Variants in CDC42BPG observed in about 807,000 individuals in gnomAD.
CDC42BPG encodes the protein CDC42 binding protein kinase gamma.
A neutral mutation model predicts 192.2 loss-of-function variants in CDC42BPG; 157 were observed. The ratio of observed to expected loss-of-function variants is 0.82; its 90% CI spans 0.72 to 0.93. CDC42BPG has a LOEUF of 0.93. Among genes scored for constraint, CDC42BPG ranks in the 40% least tolerant of loss-of-function variants. The pLI, the probability that CDC42BPG is intolerant of heterozygous loss-of-function variation, is 0.00. For synonymous variants in CDC42BPG, 981 were observed against 918.5 expected, an observed-to-expected ratio of 1.07 and a Z score of -1.23; for missense variants, 1,992 against 2,122.1, an observed-to-expected ratio of 0.94 and a Z score of 1.20.
Position 64,827,343 on chromosome 11 carries a change from G to T in CDC42BPG, c.4206C>A (p.Phe1402Leu), listed in dbSNP as rs775517806. Residue 1402 changes from phenylalanine to leucine, a missense_variant, in exon 33 of 37, where the codon TTC becomes TTA. Physicochemically the swap from Phe to Leu is conservative, Grantham distance 22. Coordinates refer to ENST00000342711, the MANE Select transcript of CDC42BPG (RefSeq NM_017525.3). ...DLTDNSRRQLFRTKSKRRFFF... is the reference protein window; with the variant it reads ...DLTDNSRRQLLRTKSKRRFFF... ...AGAAGCGGCGCTTGCTCTTGGTGCG[G>T]AACAGCTGGCGCCGGCTGTTGTCGG... 1.2e-6 allele frequency: 2 copies of T among 1,614,068 alleles called. No individual in the cohort carries two copies. Among genetic ancestry groups the T allele is most frequent in the Non-Finnish European group, 1.7e-6 (2 of 1,179,960 alleles).
Position 64,844,499 on chromosome 11 carries a change from C to T in CDC42BPG, c.71G>A (p.Gly24Asp). The T allele has an allele frequency of 7.3e-7, 1 of 1,365,630 alleles. No individual in the cohort carries two copies. Among genetic ancestry groups the T allele is most frequent in the Non-Finnish European group, 9.4e-7 (1 of 1,058,342 alleles). The allele number at this position is 1,365,630 out of a possible 1,614,324, so 84.6% of individuals were successfully genotyped here. A position where few individuals can be genotyped will look rare whatever the true frequency, so the allele number is the denominator to read the frequency against. ...CAGCGCCAGCAGCAGATCTAGGAGG[C>T]CGTCGAGCCCCGGGCAGCCGCCGGC... ...GEAGGCPGLD[G>D]LLDLLLALHH... Residue 24 changes from glycine (G) to aspartate (D), a missense_variant, in exon 1 of 37, where the codon GGC becomes GAC. Transcript: ENST00000342711.
intron 25 of CDC42BPG, 35 bp downstream of exon 25, chr11:64,832,791 C>A (rs1942761790): frequency 1.3e-6 from 2 of 1,592,348 alleles, no homozygotes; most frequent in African/African-American, 1.3e-5. Flanking sequence ...CTCAGCCCCC[C>A]ATGCCCATCT....
rs56276837 is a variant in CDC42BPG, at chr11:64,839,147, G to A, written c.762C>T (p.Gly254=). Residue 254 remains glycine, a synonymous_variant, in exon 7 of 37, where the codon GGC becomes GGT. Coordinates refer to ENST00000342711, the MANE Select transcript of CDC42BPG (RefSeq NM_017525.3). ...CAAGCGACCACCAGTCACACTGTGG[G>A]CCGTAGTGGCCCTTGCCCTCCTCCA... ...QAMEEGKGHY[G]PQCDWWSLGV... is the part of the protein sequence containing the mutation. 3 of 1,613,446 alleles carry A rather than the reference G, an allele frequency of 1.9e-6. No individual in the cohort carries two copies. Among genetic ancestry groups the A allele is most frequent in the South Asian group, 2.2e-5 (2 of 91,090 alleles).
At chr11:64,826,208 G>C (rs990480032) in intron 36 of CDC42BPG, among the ~76,000 whole-genome samples, 4 of 152,136 alleles carry the variant, frequency 2.6e-5, no homozygotes, top group African/African-American at 9.7e-5. Context: ...GGTAAGACAA[G>C]ATCAGGGAGG....
chr11:64,836,808 C>G lies in CDC42BPG; in HGVS notation c.1315G>C (p.Ala439Pro), dbSNP rs762926788. The G allele has an allele frequency of 6.3e-7, 1 of 1,587,280 alleles. No individual in the cohort carries two copies. The highest frequency in any genetic ancestry group is 2.3e-5 in the East Asian group (1 of 44,048). ...TCCAGCTCCCGATGGTCTGTGGGGG[C>G]GTGCAGGGCCTCTGGAGGGGAGGTG... ...LSRKHQEALH[A>P]PTDHRELEQL... Residue 439 changes from alanine (A) to proline (P), a missense_variant, in exon 11 of 37, where the codon GCC (alanine) becomes CCC (proline). Physicochemically the swap from Ala to Pro is conservative, Grantham distance 27. Around this residue, in one of 2 missense-constraint regions of CDC42BPG, gnomAD observed 1,656 missense variants for 1,844.3 expected, o/e 0.90. Coordinates refer to ENST00000342711, the MANE Select transcript of CDC42BPG (RefSeq NM_017525.3).
Position 64,840,779 on chromosome 11 carries a change from CCT to C in CDC42BPG, c.337-133_337-132del, listed in dbSNP as rs879180499. 76 of 765,570 alleles carry C rather than the reference CCT, an allele frequency of 9.9e-5. 2 individuals are homozygous for C. Among genetic ancestry groups the C allele is most frequent in the Admixed American group, 2.5e-4 (12 of 47,920 alleles). 47.4% of individuals were successfully genotyped at this position (765,570 alleles called of 1,614,324 possible). On this transcript the variant is annotated intron_variant, in intron 3 of 36. Coordinates refer to ENST00000342711, the MANE Select transcript of CDC42BPG (RefSeq NM_017525.3). Reference sequence around the variant, plus strand: ...GATGGAGGTCATAGCTCTACTGTCCCCTGTCTGGCTGCGACTGAGCCCAAGCC... The same window carrying C: ...GATGGAGGTCATAGCTCTACTGTCCCGTCTGGCTGCGACTGAGCCCAAGCC...
At chr11:64,840,750 C>T in intron 3 of CDC42BPG, 102 bp from the exon 4 acceptor site, 1 of 1,025,238 alleles carries the variant, frequency 9.8e-7, no homozygotes, top group Non-Finnish European at 1.5e-6. Flanking sequence ...AGTCTGGGAG[C>T]TCAGATGGAG....
chr11:64,829,754 C>T lies in CDC42BPG; in HGVS notation c.3684G>A (p.Val1228=). ...RIRELQAPAT[V]QSLGLLGDRL... ...GGTCGCCCAGCAGCCCCAGGCTCTG[C>T]ACAGTGGCAGGTGCCTGCAGCTCAC... is the stretch of plus-strand genomic sequence containing the variant. Residue 1228 remains valine, a synonymous_variant, in exon 30 of 37, where the codon GTG becomes GTA. Transcript: ENST00000342711. 1 of 1,605,416 alleles carries T rather than the reference C, an allele frequency of 6.2e-7. No individual in the cohort carries two copies. The highest frequency in any genetic ancestry group is 8.5e-7 in the Non-Finnish European group (1 of 1,176,908).
rs371184760 is a variant in CDC42BPG at position 64,831,643 on chromosome 11, G to A, written c.3166C>T (p.Arg1056Cys). The stretch of plus-strand genomic sequence containing the variant: ...AGCTCACCCAGCACCTGCAGCCAGC[G>A]TTCCCGCTCCCCCTCGCTCTCTGCC... ...LLAESEGERE[R>C]WLQVLGELQR... The change falls in exon 28 of 37, where the codon CGC becomes TGC. Residue 1056 changes from arginine to cysteine, a missense_variant. By Grantham distance (180) the Arg-to-Cys change is radical. This residue lies in a region of CDC42BPG where 1,656 missense variants were observed against 1,844.3 expected (regional missense o/e 0.90). Transcript: ENST00000342711. 41 of 1,610,958 alleles carry A rather than the reference G, an allele frequency of 2.5e-5. No individual in the cohort carries two copies. Among genetic ancestry groups the A allele is most frequent in the South Asian group, 4.4e-5 (4 of 90,998 alleles).
At position 64,827,561 on chromosome 11, in the gene CDC42BPG, C is replaced by G; in HGVS notation, c.4116G>C (p.Lys1372Asn). 1 of 1,612,818 alleles carries G rather than the reference C, an allele frequency of 6.2e-7. No individual in the cohort carries two copies. Among genetic ancestry groups the G allele is most frequent in the Non-Finnish European group, 8.5e-7 (1 of 1,179,248 alleles). ...EGSLFLYGTE[K>N]VRLTYLRNQL... ...GGTTCCTGAGGTAGGTCAGGCGGAC[C>G]TTCTCGGTGCCGTAGAGGAACAGGG... Residue 1372 changes from lysine (K) to asparagine (N), a missense_variant, in exon 32 of 37, where the codon AAG becomes AAC. Coordinates refer to ENST00000342711, the MANE Select transcript of CDC42BPG (RefSeq NM_017525.3).
intron 18 of CDC42BPG, 121 bp downstream of exon 18, chr11:64,834,728 C>G (rs186308145): frequency 1.5e-4 from 206 of 1,329,738 alleles, no homozygotes; most frequent in Non-Finnish European, 1.8e-4. Context: ...AGGGAAATCA[C>G]TATCTCTCAT....
Position 64,827,767 on chromosome 11 carries a change from G to T in CDC42BPG, c.3984C>A (p.Tyr1328Ter). Residue 1328 changes from tyrosine (Y) to a stop codon, truncating the protein, a stop_gained, in exon 31 of 37, where the codon TAC (tyrosine) becomes TAA (stop). Coordinates refer to ENST00000342711, the MANE Select transcript of CDC42BPG (RefSeq NM_017525.3). LOFTEE classifies it high-confidence loss of function. ...TGGAGTTCTCGCTGAACACTGTCAG[G>T]TAGGGGGCCGCATACCCTGCGGGCA... is the stretch of plus-strand genomic sequence containing the variant. ...APMGWGYAAP[Y>*]LTVFSENSID... The T allele has an allele frequency of 6.2e-7, 1 of 1,610,944 alleles. No individual in the cohort carries two copies. The highest frequency in any genetic ancestry group is 8.5e-7 in the Non-Finnish European group (1 of 1,178,354).
At position 64,826,733 on chromosome 11, in the gene CDC42BPG, G is replaced by C. The variant is rs1402292836; in HGVS notation, c.4451C>G (p.Ser1484Cys). ...GSGPQRPHSFSEALRRPASMG... is the reference protein window; with the variant it reads ...GSGPQRPHSFCEALRRPASMG... ...GGAGGCTGGGCGCCGCAACGCCTCG[G>C]AGAAGCTGTGGGGCCGCTGTGGGCC... Residue 1484 changes from serine to cysteine, a missense_variant, in exon 35 of 37, where the codon TCC becomes TGC. Around this residue, in one of 2 missense-constraint regions of CDC42BPG, gnomAD observed 336 missense variants for 277.9 expected, o/e 1.21. Transcript: ENST00000342711. 1.3e-6 allele frequency: 2 copies of C among 1,547,924 alleles called. No individual in the cohort carries two copies. Among genetic ancestry groups the C allele is most frequent in the African/African-American group, 1.4e-5 (1 of 73,540 alleles).
chr11:64,834,584 G>C lies in CDC42BPG; in HGVS notation c.2176-7C>G, dbSNP rs200061155. 2,188 of 1,548,360 alleles carry C rather than the reference G, an allele frequency of 1.4e-3. 3 individuals carry two copies. Among genetic ancestry groups the C allele is most frequent in the Non-Finnish European group, 1.8e-3 (2,098 of 1,144,686 alleles). ...GCGCCTTCCACTGGTGGTCCTGGTG[G>C]CCACGGAGCACCCGTATAAGATGCT... On this transcript the variant is annotated splice_region_variant and splice_polypyrimidine_tract_variant and intron_variant, in intron 18 of 36. Transcript: ENST00000342711.
chr11:64,834,650 C>A, intron 18 of CDC42BPG, 73 bp from the exon 19 acceptor site: 2 of 1,463,148 alleles, frequency 1.4e-6, no homozygotes, highest in South Asian at 2.8e-5. Flanking sequence ...GCTACCAGAG[C>A]ATCCTGCTAC....
chr11:64,839,398 C>T, intron 6 of CDC42BPG, 80 bp downstream of exon 6: 4 of 1,518,710 alleles, frequency 2.6e-6, no homozygotes, highest in East Asian at 2.3e-5. Flanking sequence ...TGCCTCTGCA[C>T]TAGGCCTGGG....
In CDC42BPG at chr11:64,824,456, G is replaced by A; in HGVS notation, c.*17C>T. On this transcript the variant is annotated 3_prime_UTR_variant, in exon 37 of 37. Transcript: ENST00000342711. The stretch of plus-strand genomic sequence containing the variant: ...GTCCTTCTGCCCTGGGATTGGGGTG[G>A]GCCCTAACAGAGGGCATCAAGGAGA... The A allele has an allele frequency of 6.5e-7, 1 of 1,531,470 alleles. No individual in the cohort carries two copies. Among genetic ancestry groups the A allele is most frequent in the Non-Finnish European group, 9.1e-7 (1 of 1,103,726 alleles). The allele number at this position is 1,531,470 out of a possible 1,614,324, so 94.9% of individuals were successfully genotyped here. A position where few individuals can be genotyped will look rare whatever the true frequency, so the allele number is the denominator to read the frequency against.
chr11:64,841,014 C>T (rs191452362), intron 3 of CDC42BPG, among the ~76,000 whole-genome samples: 121 of 151,626 alleles, frequency 8.0e-4, no homozygotes, highest in Middle Eastern at 3.5e-3. Flanking sequence ...AGCTGGGTGT[C>T]GTGGCACACG....
chr11:64,825,631 G>A (rs1942384653), intron 36 of CDC42BPG, among the ~76,000 whole-genome samples: 1 of 152,162 alleles, frequency 6.6e-6, no homozygotes, highest in Middle Eastern at 3.2e-3. Flanking sequence ...GGAGTGGGTG[G>A]ATGTGTGTGC....
Sources: allele counts gnomAD v4.1 joint callset (sites outside exome capture counted in the v4.1 genomes callset), GRCh38; gene constraint gnomAD v4.1.1; regional missense constraint gnomAD v4.1.1; transcripts MANE v1.5; gene names NCBI Gene and HGNC (gene_info 2026-07-23, HGNC 2026-07-21).